HHIP: variants seen among roughly 807,000 people sequenced by gnomAD.
The protein encoded by HHIP is hedgehog interacting protein.
Under a neutral mutation model 74.0 loss-of-function variants are expected in HHIP, and 12 were observed. The ratio of observed to expected loss-of-function variants is 0.16; its 90% CI spans 0.10 to 0.26. HHIP has a LOEUF of 0.26. HHIP is among the 10% of genes least tolerant of loss of function. The pLI, the probability that HHIP is intolerant of heterozygous loss-of-function variation, is 1.00. For missense variants in HHIP, 788 were observed against 845.0 expected (o/e 0.93, Z 0.84); for synonymous variants, 309 against 311.6 (o/e 0.99, Z 0.09).
intron 4 of HHIP, among the ~76,000 whole-genome samples, chr4:144,685,224 T>G (rs1398336933): frequency 1.3e-5 from 2 of 152,186 alleles, no homozygotes. Context: ...AGCTCAGTAG[T>G]TGAAGTATAT....
rs1560729201 is a variant in HHIP, at chr4:144,742,997, TAA to T, written c.*5041_*5042del. Reference sequence around the variant, plus strand: ...TATATATATATACATTATATATATATAATATATATATATTATATATATATAAT... The same window carrying T: ...TATATATATATACATTATATATATATTATATATATATTATATATATATAAT... On this transcript the variant is annotated 3_prime_UTR_variant, in exon 13 of 13. Coordinates refer to ENST00000296575, the MANE Select transcript of HHIP (RefSeq NM_022475.3). 3.2e-3 allele frequency: 2 copies of T among 630 alleles called. No individual in the cohort carries two copies. Among genetic ancestry groups the T allele is most frequent in the Non-Finnish European group, 0.013 (2 of 152 alleles). The allele number at this position is 630 out of a possible 1,614,324, so 0.0% of individuals were successfully genotyped here. A position where few individuals can be genotyped will look rare whatever the true frequency, so the allele number is the denominator to read the frequency against.
In HHIP at chr4:144,680,238, C is replaced by CA. The variant is rs982104239; in HGVS notation, c.831+20409dup. Among the ~76,000 whole-genome samples, 193 of 150,190 alleles carry CA rather than the reference C, an allele frequency of 1.3e-3. 4 individuals are homozygous for CA. Among genetic ancestry groups the CA allele is most frequent in the African/African-American group, 4.3e-3 (176 of 40,758 alleles). ...TGCTTATGTCCTCACTGTGCTTTAC[C>CA]AAAAAAAAACTTCTTGTTTTCTATT... On this transcript the variant is annotated intron_variant, in intron 4 of 12. Coordinates refer to ENST00000296575, the MANE Select transcript of HHIP (RefSeq NM_022475.3).
chr4:144,708,171 T>C lies in HHIP; in HGVS notation c.1161T>C (p.Asp387=). ...DDMEEMDGLS[D]FTGSVLRLDV... ...ACTCTGTCCCCCAATTTCTCAGTGA[T>C]TTCACAGGCTCAGTGCTACGGCTGG... is the stretch of plus-strand genomic sequence containing the variant. Residue 387 remains aspartate (D), a synonymous_variant, in exon 7 of 13, where the codon GAT becomes GAC. Transcript: ENST00000296575. 1 of 1,614,082 alleles carries C rather than the reference T, an allele frequency of 6.2e-7. No individual in the cohort carries two copies. Among genetic ancestry groups the C allele is most frequent in the East Asian group, 2.2e-5 (1 of 44,878 alleles).
intron 4 of HHIP, among the ~76,000 whole-genome samples, chr4:144,690,963 C>T (rs1345943020): frequency 6.6e-6 from 1 of 152,124 alleles, no homozygotes; most frequent in Non-Finnish European, 1.5e-5. Flanking sequence ...TTAACCAGCT[C>T]AGCAGCAGGG....
rs78533160 is a variant in HHIP at position 144,694,070 on chromosome 4, G to T, written c.832-12461G>T. Among the ~76,000 whole-genome samples, 1,067 of 151,920 alleles carry T rather than the reference G, an allele frequency of 7.0e-3. 10 individuals are homozygous for T. The highest frequency in any genetic ancestry group is 0.023 in the African/African-American group (971 of 41,518). On this transcript the variant is annotated intron_variant, in intron 4 of 12. Coordinates refer to ENST00000296575, the MANE Select transcript of HHIP (RefSeq NM_022475.3). ...TCTGTGTTGTTAGAATTCTGCATTT[G>T]ATCATTTTGTAAAATAGTACTTAAT...
At chr4:144,662,600 T>C (rs1036079028) in intron 4 of HHIP, among the ~76,000 whole-genome samples, 2 of 152,238 alleles carry the variant, frequency 1.3e-5, no homozygotes, top group Admixed American at 6.5e-5. Context: ...TCTTTGATGA[T>C]AGTGTACTCT....
chr4:144,671,192 A>T (rs2126606888), intron 4 of HHIP, among the ~76,000 whole-genome samples: 1 of 152,296 alleles, frequency 6.6e-6, no homozygotes, highest in East Asian at 1.9e-4. Context: ...GTGTCTATGT[A>T]TATCACCCTG....
intron 7 of HHIP, among the ~76,000 whole-genome samples, chr4:144,710,035 G>T (rs1344173810): frequency 6.6e-6 from 1 of 152,082 alleles, no homozygotes; most frequent in Non-Finnish European, 1.5e-5. Flanking sequence ...CACCATTATA[G>T]TATCACCCAG....
At chr4:144,666,550 G>A (rs1447260335) in intron 4 of HHIP, among the ~76,000 whole-genome samples, 1 of 152,086 alleles carries the variant, frequency 6.6e-6, no homozygotes, top group African/African-American at 2.4e-5. Context: ...AAACTGCCCC[G>A]ATACCACAGC....
intron 4 of HHIP, among the ~76,000 whole-genome samples, chr4:144,661,659 A>G (rs1231436884): frequency 6.6e-6 from 1 of 152,156 alleles, no homozygotes; most frequent in African/African-American, 2.4e-5. Context: ...GATGGGGCAG[A>G]TACCACCATA....
At position 144,738,065 on chromosome 4, in the gene HHIP, T is replaced by A; in HGVS notation, c.*108T>A. On this transcript the variant is annotated 3_prime_UTR_variant, in exon 13 of 13. Transcript: ENST00000296575. ...TACACACTCCTGTGATTTCATTCTC[T>A]TTTATTAATTTAAAAATAATTTCCA... is the stretch of plus-strand genomic sequence containing the variant. 7.2e-7 allele frequency: 1 copy of A among 1,382,918 alleles called. No individual in the cohort carries two copies. The allele number at this position is 1,382,918 out of a possible 1,614,324, so 85.7% of individuals were successfully genotyped here.
chr4:144,708,049 A>G (rs1730194309), intron 6 of HHIP, 119 bp from the exon 7 acceptor site: 3 of 1,072,640 alleles, frequency 2.8e-6, no homozygotes, highest in Non-Finnish European at 2.7e-6. Context: ...AGCCACTTTA[A>G]TATTTTATTT....
At chr4:144,675,526 C>A (rs1257300544) in intron 4 of HHIP, among the ~76,000 whole-genome samples, 1 of 151,978 alleles carries the variant, frequency 6.6e-6, no homozygotes, top group Non-Finnish European at 1.5e-5. Context: ...GTTTACAGGA[C>A]ATAAAATACA....
In HHIP at chr4:144,718,257, A is replaced by G. The variant is rs914874331; in HGVS notation, c.1679-618A>G. ...AAGTACAGCCTTGAAGAAGGGGGGA[A>G]AAAATGAACCTAGTGGAGACTCACA... On this transcript the variant is annotated intron_variant, in intron 10 of 12. Transcript: ENST00000296575. Among the ~76,000 whole-genome samples the G allele has an allele frequency of 2.6e-5, 4 of 152,166 alleles. No homozygotes were observed. In the East Asian group the frequency reaches 5.8e-4, roughly 22 times the overall value.
chr4:144,646,509 G>A lies in HHIP; in HGVS notation c.-167G>A. 1.6e-6 allele frequency: 1 copy of A among 624,132 alleles called. No individual in the cohort carries two copies. Among genetic ancestry groups the A allele is most frequent in the Non-Finnish European group, 2.8e-6 (1 of 363,100 alleles). 38.7% of individuals were successfully genotyped at this position (624,132 alleles called of 1,614,324 possible). ...CCCATCGCCGCGTCTTTTATTTTTT[G>A]CAAAGTTGCATCGCTGTACATATTT... On this transcript the variant is annotated 5_prime_UTR_variant, in exon 1 of 13. Coordinates refer to ENST00000296575, the MANE Select transcript of HHIP (RefSeq NM_022475.3).
chr4:144,690,597 G>A (rs892033374), intron 4 of HHIP, among the ~76,000 whole-genome samples: 5 of 152,220 alleles, frequency 3.3e-5, no homozygotes, highest in Admixed American at 6.5e-5. Context: ...TAGCTGGAAA[G>A]ACACGAACAT....
At chr4:144,702,384 T>C (rs948069655) in intron 4 of HHIP, among the ~76,000 whole-genome samples, 1 of 152,310 alleles carries the variant, frequency 6.6e-6, no homozygotes, top group Middle Eastern at 3.4e-3. Context: ...CTGTGGACCC[T>C]GTGAAATTGC....
chr4:144,663,033 T>A (rs1578682068), intron 4 of HHIP, among the ~76,000 whole-genome samples: 1 of 152,224 alleles, frequency 6.6e-6, no homozygotes, highest in African/African-American at 2.4e-5. Flanking sequence ...TGCCTGTAAT[T>A]CCAACACTTT....
chr4:144,648,987 G>A (rs1390500324), intron 1 of HHIP, among the ~76,000 whole-genome samples: 1 of 152,084 alleles, frequency 6.6e-6, no homozygotes, highest in Non-Finnish European at 1.5e-5. Flanking sequence ...ATTACAAGAG[G>A]TTTATAAATC....
Sources: allele counts gnomAD v4.1 joint callset (sites outside exome capture counted in the v4.1 genomes callset), GRCh38; gene constraint gnomAD v4.1.1; transcripts MANE v1.5; gene names NCBI Gene and HGNC (gene_info 2026-07-23, HGNC 2026-07-21).